Variants in ADGRL2 observed in about 807,000 individuals in gnomAD.
ADGRL2 encodes the protein calcium-independent alpha-latrotoxin receptor 2.
Under a neutral mutation model 157.4 loss-of-function variants are expected in ADGRL2, and 44 were observed. That is an observed-to-expected ratio of 0.28 (90% CI 0.22 to 0.36). The LOEUF (loss-of-function observed/expected upper bound fraction) is 0.36. Among genes scored for constraint, ADGRL2 ranks in the 10% least tolerant of loss-of-function variants. The probability of loss-of-function intolerance (pLI) is 1.00; values close to 1 mark genes in which losing one functional copy is unlikely to be tolerated. For synonymous variants in ADGRL2, 585 were observed against 624.7 expected (o/e 0.94, Z 0.95); for missense variants, 1,510 against 1,768.9 (o/e 0.85, Z 2.63).
chr1:81,813,813 CT>C (rs1034625972), intron 1 of ADGRL2, among the ~76,000 whole-genome samples: 7 of 151,450 alleles, frequency 4.6e-5, no homozygotes, highest in Non-Finnish European at 8.9e-5. Context: ...TTTTTTCCCC[CT>C]AATACTAAAA....
intron 2 of ADGRL2, among the ~76,000 whole-genome samples, chr1:81,493,397 G>A (rs2078672520): frequency 6.6e-6 from 1 of 152,120 alleles, no homozygotes; most frequent in Non-Finnish European, 1.5e-5. Context: ...TCTATCACTG[G>A]CTACCTGCCT....
At chr1:81,583,469 G>C (rs2080959630) in intron 3 of ADGRL2, among the ~76,000 whole-genome samples, 1 of 151,934 alleles carries the variant, frequency 6.6e-6, no homozygotes, top group African/African-American at 2.4e-5. Flanking sequence ...TTCACTCTTT[G>C]AGATGAGTAT....
chr1:81,707,482 G>A (rs2149060703), intron 1 of ADGRL2, among the ~76,000 whole-genome samples: 1 of 152,250 alleles, frequency 6.6e-6, no homozygotes, highest in South Asian at 2.1e-4. Context: ...TTGGCTTCTG[G>A]TGACTTTTAA....
chr1:81,922,877 T>A (rs1240853454), intron 3 of ADGRL2, among the ~76,000 whole-genome samples: 1 of 152,058 alleles, frequency 6.6e-6, no homozygotes, highest in Non-Finnish European at 1.5e-5. Flanking sequence ...AAAATTACAT[T>A]TCCCCTCCCT....
intron 1 of ADGRL2, among the ~76,000 whole-genome samples, chr1:81,831,237 T>G (rs895766652): frequency 9.2e-5 from 14 of 152,180 alleles, no homozygotes; most frequent in African/African-American, 3.4e-4. Context: ...CTCTAGTAGT[T>G]TGGTTGATAA....
rs572398651 is a variant in ADGRL2, at chr1:81,370,720, T to C, written c.-302+64211T>C. ...CAGAAATTTTGAATGACTCGAGTCC[T>C]TTTAGGAACACACTGCAGCACTTAA... is the stretch of plus-strand genomic sequence containing the variant. On this transcript the variant is annotated intron_variant, in intron 1 of 24. Transcript: ENST00000370721. Among the ~76,000 whole-genome samples the C allele has an allele frequency of 6.4e-3, 969 of 152,278 alleles. 6 individuals carry two copies. The highest frequency in any genetic ancestry group is 9.4e-3 in the Non-Finnish European group (642 of 68,004).
At chr1:81,854,390 A>G (rs992061346) in intron 2 of ADGRL2, among the ~76,000 whole-genome samples, 11 of 152,190 alleles carry the variant, frequency 7.2e-5, no homozygotes, top group African/African-American at 2.4e-4. Context: ...GGAAAGACAG[A>G]AAGTATAATA....
intron 2 of ADGRL2, among the ~76,000 whole-genome samples, chr1:81,486,350 A>G (rs2078500067): frequency 2.0e-5 from 3 of 152,104 alleles, no homozygotes; most frequent in South Asian, 4.1e-4. Flanking sequence ...CACATTGCCC[A>G]CTGCTTGGAA....
chr1:81,655,280 G>A (rs372940929), intron 3 of ADGRL2, among the ~76,000 whole-genome samples: 7 of 152,168 alleles, frequency 4.6e-5, no homozygotes, highest in South Asian at 2.1e-4. Flanking sequence ...GATTACAGGC[G>A]TGAGCCACCG....
At chr1:81,937,407 A>G (rs1412845133) in intron 4 of ADGRL2, among the ~76,000 whole-genome samples, 2 of 151,892 alleles carry the variant, frequency 1.3e-5, no homozygotes, top group African/African-American at 4.8e-5. Context: ...TTAATTTTGC[A>G]GCATCATTTT....
intron 3 of ADGRL2, among the ~76,000 whole-genome samples, chr1:81,616,967 T>C (rs764377480): frequency 1.3e-5 from 2 of 152,200 alleles, no homozygotes; most frequent in African/African-American, 2.4e-5. Flanking sequence ...TGTGAGCCAC[T>C]GCGCCCAGCC....
At chr1:81,342,096 T>C (rs1662115496) in intron 1 of ADGRL2, among the ~76,000 whole-genome samples, 1 of 152,176 alleles carries the variant, frequency 6.6e-6, no homozygotes, top group Non-Finnish European at 1.5e-5. Context: ...CAAAGATTTT[T>C]TTGGATCCTG....
chr1:81,638,309 G>A (rs1221072899), intron 3 of ADGRL2, among the ~76,000 whole-genome samples: 1 of 151,936 alleles, frequency 6.6e-6, no homozygotes, highest in Non-Finnish European at 1.5e-5. Flanking sequence ...AAATGAGAAA[G>A]GTCAGAAACT....
intron 2 of ADGRL2, among the ~76,000 whole-genome samples, chr1:81,877,070 C>G (rs2093859458): frequency 6.6e-6 from 1 of 152,090 alleles, no homozygotes; most frequent in Non-Finnish European, 1.5e-5. Context: ...TCCTGGCCAT[C>G]CTTTTTAATA....
chr1:81,846,794 C>A (rs2092808014), intron 2 of ADGRL2, among the ~76,000 whole-genome samples: 1 of 151,924 alleles, frequency 6.6e-6, no homozygotes, highest in African/African-American at 2.4e-5. Flanking sequence ...TAGGTTAATA[C>A]AAGTCAGAGA....
At chr1:81,807,947 T>C (rs1021960672) in intron 1 of ADGRL2, among the ~76,000 whole-genome samples, 3 of 151,840 alleles carry the variant, frequency 2.0e-5, no homozygotes, top group African/African-American at 2.4e-5. Flanking sequence ...TTTTAAAAGC[T>C]TATTTTATTA....
chr1:81,684,876 A>G (rs537748990), intron 3 of ADGRL2, among the ~76,000 whole-genome samples: 2 of 152,204 alleles, frequency 1.3e-5, no homozygotes, highest in East Asian at 3.9e-4. Flanking sequence ...TCCCAGCACC[A>G]TTTGTTGAAA....
intron 3 of ADGRL2, among the ~76,000 whole-genome samples, chr1:81,596,837 A>T (rs1019768709): frequency 2.6e-5 from 4 of 152,074 alleles, no homozygotes; most frequent in Non-Finnish European, 5.9e-5. Flanking sequence ...TTCTGCCTTA[A>T]TATTTGTCTT....
chr1:81,767,584 A>C (rs1253555341), intron 2 of ADGRL2, among the ~76,000 whole-genome samples: 1 of 152,094 alleles, frequency 6.6e-6, no homozygotes, highest in Non-Finnish European at 1.5e-5. Flanking sequence ...TTAAAAATGA[A>C]ATTGCGGCTG....
Sources: gnomAD v4.1 joint callset for allele counts (sites outside exome capture counted in the v4.1 genomes callset) on GRCh38, gnomAD v4.1.1 for gene constraint, MANE v1.5 for transcripts, NCBI Gene and HGNC (gene_info 2026-07-23, HGNC 2026-07-21) for gene names.